Variants in PLCH2 observed in about 807,000 individuals in gnomAD.
The protein encoded by PLCH2 is phospholipase C eta 2, also known as 1-phosphatidylinositol 4,5-bisphosphate phosphodiesterase eta-2.
PLCH2 carries 98 observed loss-of-function variants against 134.7 expected under a neutral mutation model. That is an observed-to-expected ratio of 0.73 (90% confidence interval 0.62 to 0.86). The LOEUF is 0.86. Among genes scored for constraint, PLCH2 ranks in the 40% least tolerant of loss-of-function variants. The probability of loss-of-function intolerance (pLI) is 0.00; values close to 1 mark genes in which losing one functional copy is unlikely to be tolerated. For missense variants in PLCH2, 1,994 were observed against 1,986.6 expected (o/e 1.00, Z -0.07); for synonymous variants, 974 against 827.5 (o/e 1.18, Z -3.04).
chr1:2,444,090 C>T lies in PLCH2; in HGVS notation c.115+13461C>T, dbSNP rs1639824892. Among the ~76,000 whole-genome samples the T allele has an allele frequency of 6.6e-6, 1 of 152,170 alleles. No individual in the cohort carries two copies. The highest frequency in any genetic ancestry group is 2.4e-5 in the African/African-American group (1 of 41,462). On this transcript the variant is annotated intron_variant, in intron 2 of 3. Coordinates refer to the PLCH2 transcript ENST00000609981. This position sits in a 1 kb window ranked among gnomAD's most constrained non-coding sequence, Gnocchi z 4.6. Reference sequence around the variant, plus strand: ...GCCGCCTGGGCTTCAGACTCGGGAGCGGAGGCTCGGATCGCGGTGGCACGG... The same window carrying T: ...GCCGCCTGGGCTTCAGACTCGGGAGTGGAGGCTCGGATCGCGGTGGCACGG...
chr1:2,470,234 G>A (rs1457385547), intron 1 of PLCH2, among the ~76,000 whole-genome samples: 2 of 152,150 alleles, frequency 1.3e-5, no homozygotes, highest in Non-Finnish European at 2.9e-5. Context: ...GGTTTCGGGC[G>A]GCCCAGTTCT....
At chr1:2,494,709 G>T in intron 11 of PLCH2, 147 bp from the exon 12 acceptor site, 4 of 513,196 alleles carry the variant, frequency 7.8e-6, no homozygotes, top group Admixed American at 2.4e-5. Flanking sequence ...TCCCCGCCCT[G>T]CCCTCCCCTC....
chr1:2,423,871 G>C (rs1017399499), upstream of PLCH2, among the ~76,000 whole-genome samples: 8 of 152,072 alleles, frequency 5.3e-5, no homozygotes, highest in African/African-American at 9.7e-5. Flanking sequence ...AGGTCAGAGA[G>C]CCAGCCCACC....
chr1:2,465,296 C>T (rs1417468975), upstream of PLCH2, among the ~76,000 whole-genome samples: 1 of 152,190 alleles, frequency 6.6e-6, no homozygotes, highest in Non-Finnish European at 1.5e-5. Context: ...ACCCGGAAGG[C>T]AAGAACCAGT....
chr1:2,480,147 C>G (rs756463542), intron 3 of PLCH2, 36 bp from the exon 4 acceptor site: 1 of 1,610,994 alleles, frequency 6.2e-7, no homozygotes, highest in South Asian at 1.1e-5. Flanking sequence ...AGGGCTGGGC[C>G]CATGGATCGC....
chr1:2,436,651 T>C (rs1639439462), intron 2 of PLCH2, among the ~76,000 whole-genome samples: 1 of 152,108 alleles, frequency 6.6e-6, no homozygotes, highest in African/African-American at 2.4e-5. Flanking sequence ...TGTGGCTCTG[T>C]CTCCTGGGAG....
intron 2 of PLCH2, among the ~76,000 whole-genome samples, chr1:2,452,538 A>C (rs1048418576): frequency 3.9e-5 from 6 of 152,050 alleles, no homozygotes; most frequent in Non-Finnish European, 8.8e-5. Flanking sequence ...GCTGGTGCTG[A>C]GGTGGGGTCC....
rs1642893974 is a variant in PLCH2 at position 2,496,519 on chromosome 1, C to T, written c.1836-88C>T. 5.6e-6 allele frequency: 6 copies of T among 1,078,492 alleles called. No homozygotes were observed. In the Middle Eastern group the frequency reaches 8.4e-4, roughly 152 times the overall value. 66.8% of individuals were successfully genotyped at this position (1,078,492 alleles called of 1,614,324 possible). ...GGGCCTGCTGCGTGAATTAATGAGG[C>T]TGCCCGAGCCCTGGAGCCCGTCTCA... On this transcript the variant is annotated intron_variant, in intron 13 of 21. Transcript: ENST00000378486.
At chr1:2,470,157 T>A (rs968030878) in intron 1 of PLCH2, among the ~76,000 whole-genome samples, 2 of 152,230 alleles carry the variant, frequency 1.3e-5, no homozygotes, top group Non-Finnish European at 2.9e-5. Context: ...TCTGAGGGAC[T>A]TGAGTGGTCT....
At chr1:2,452,984 C>T (rs893568850) in intron 2 of PLCH2, among the ~76,000 whole-genome samples, 4 of 152,140 alleles carry the variant, frequency 2.6e-5, no homozygotes, top group African/African-American at 9.6e-5. Context: ...GATCCATTCC[C>T]GGTGGGGGCG....
At chr1:2,497,381 A>G (rs771895356) in intron 15 of PLCH2, 121 bp from the exon 16 acceptor site, 2 of 674,056 alleles carry the variant, frequency 3.0e-6, no homozygotes, top group South Asian at 3.5e-5. Context: ...TGGGTGAACG[A>G]GGGGCAGACG....
chr1:2,445,131 G>A (rs1165128787), intron 2 of PLCH2, among the ~76,000 whole-genome samples: 1 of 152,098 alleles, frequency 6.6e-6, no homozygotes, highest in Non-Finnish European at 1.5e-5. Context: ...TTAAGCCAGG[G>A]CCACATTCTC....
chr1:2,504,222 A>C lies in PLCH2; in HGVS notation c.3260A>C (p.His1087Pro), dbSNP rs1643402340. The C allele has an allele frequency of 4.5e-6, 7 of 1,566,166 alleles. No individual in the cohort carries two copies. The highest frequency in any genetic ancestry group is 6.1e-6 in the Non-Finnish European group (7 of 1,156,966). Residue 1087 changes from histidine (H) to proline (P), a missense_variant, in exon 22 of 22, where the codon CAC becomes CCC. Physicochemically the swap from His to Pro is moderately conservative, Grantham distance 77. This residue lies in a region of PLCH2 where 900 missense variants were observed against 752.3 expected (regional missense o/e 1.20). Transcript: ENST00000378486. ...AGGAGCCAGCCCCGGACCCTGGGCC[A>C]CCTGCCCGTGATTAGAAGGGTGAAG... is the stretch of plus-strand genomic sequence containing the variant. Reference protein sequence around the residue: ...DGRSQPRTLGHLPVIRRVKSE... With the variant: ...DGRSQPRTLGPLPVIRRVKSE...
intron 2 of PLCH2, among the ~76,000 whole-genome samples, chr1:2,445,514 G>C (rs1044156392): frequency 6.6e-6 from 1 of 151,520 alleles, no homozygotes; most frequent in South Asian, 2.1e-4. Context: ...TGAGGCTGGG[G>C]TCAGGCCTGA....
Position 2,505,214 on chromosome 1 carries a change from C to T in PLCH2, c.*1C>T. On this transcript the variant is annotated 3_prime_UTR_variant, in exon 22 of 22. Coordinates refer to ENST00000378486, the MANE Select transcript of PLCH2 (RefSeq NM_014638.4). Reference sequence around the variant, plus strand: ...AAACCTGGTCCTGCTCCGCCTCTGACCGTCAGTGGTGGGAACCTGGGCGGC... The same window carrying T: ...AAACCTGGTCCTGCTCCGCCTCTGATCGTCAGTGGTGGGAACCTGGGCGGC... 2 of 1,566,616 alleles carry T rather than the reference C, an allele frequency of 1.3e-6. No homozygotes were observed. The highest frequency in any genetic ancestry group is 1.7e-6 in the Non-Finnish European group (2 of 1,165,890).
At chr1:2,443,180 G>A (rs1440618653) in intron 2 of PLCH2, among the ~76,000 whole-genome samples, 2 of 152,194 alleles carry the variant, frequency 1.3e-5, no homozygotes, top group African/African-American at 4.8e-5. Flanking sequence ...GGGAGCTAAG[G>A]GTGCCCTGCC....
upstream of PLCH2, among the ~76,000 whole-genome samples, chr1:2,422,167 G>C (rs1031658838): frequency 7.2e-5 from 11 of 152,162 alleles, no homozygotes; most frequent in Non-Finnish European, 1.5e-5. Flanking sequence ...TACTCGGGAG[G>C]CTGAGGCAGG....
chr1:2,441,799 T>TG (rs1035336971), intron 2 of PLCH2, among the ~76,000 whole-genome samples: 8 of 151,950 alleles, frequency 5.3e-5, no homozygotes, highest in Admixed American at 2.6e-4. Context: ...CAGGGTTCAC[T>TG]GGGGGAGGAG....
intron 4 of PLCH2, 78 bp downstream of exon 4, chr1:2,480,390 C>T: frequency 2.0e-6 from 3 of 1,506,830 alleles, no homozygotes. Context: ...GGGAGCCTGC[C>T]AGCCCTGACT....
Sources: gnomAD v4.1 joint callset for allele counts (sites outside exome capture counted in the v4.1 genomes callset) on GRCh38, gnomAD v4.1.1 for gene constraint, gnomAD v4.1.1 regional missense constraint, Gnocchi (gnomAD v3.1) non-coding constraint, MANE v1.5 for transcripts, NCBI Gene and HGNC (gene_info 2026-07-23, HGNC 2026-07-21) for gene names.